Variants in SRGAP2 observed in about 807,000 individuals in gnomAD.
SRGAP2 encodes SLIT-ROBO Rho GTPase activating protein 2, also known as SLIT-ROBO Rho GTPase-activating protein 2.
Under a neutral mutation model 57.2 loss-of-function variants are expected in SRGAP2, and 15 were observed. The ratio of observed to expected loss-of-function variants is 0.26; its 90% CI spans 0.18 to 0.40. The LOEUF (loss-of-function observed/expected upper bound fraction) is 0.40. Ranked by LOEUF, SRGAP2 falls within the 10% of genes least tolerant of loss-of-function variation. The pLI, the probability that SRGAP2 is intolerant of heterozygous loss-of-function variation, is 1.00. For synonymous variants in SRGAP2, 249 were observed against 248.0 expected (o/e 1.00, Z -0.04); for missense variants, 520 against 669.6 (o/e 0.78, Z 2.47).
In SRGAP2 at chr1:206,462,228, C is replaced by G. The variant is rs1558462847; in HGVS notation, c.*808C>G. 1 of 152,628 alleles carries G rather than the reference C, an allele frequency of 6.6e-6. No homozygotes were observed. Among genetic ancestry groups the G allele is most frequent in the Non-Finnish European group, 1.5e-5 (1 of 68,068 alleles). 9.5% of individuals were successfully genotyped at this position (152,628 alleles called of 1,614,324 possible). A position where few individuals can be genotyped will look rare whatever the true frequency, so the allele number is the denominator to read the frequency against. ...CTCCTCCATCCCCTAGAAGTACACC[C>G]CCGTCTTATTAAGGAGCTTTTAAAG... On this transcript the variant is annotated 3_prime_UTR_variant, in exon 23 of 23. Coordinates refer to ENST00000573034, the MANE Select transcript of SRGAP2 (RefSeq NM_015326.5).
chr1:206,240,703 C>T (rs1553309020), intron 2 of SRGAP2, among the ~76,000 whole-genome samples: 1 of 152,100 alleles, frequency 6.6e-6, no homozygotes, highest in Non-Finnish European at 1.5e-5. Context: ...TTATTGTCCT[C>T]TTTTCAGAAG....
intron 21 of SRGAP2, 49 bp from the exon 22 acceptor site, chr1:206,458,574 T>TG: frequency 1.5e-6 from 1 of 676,974 alleles, no homozygotes; most frequent in Non-Finnish European, 2.7e-6. Flanking sequence ...CTAGCTTCCT[T>TG]GGAGCCAGGG....
At chr1:206,347,320 G>A (rs1483527457) in intron 4 of SRGAP2, among the ~76,000 whole-genome samples, 1 of 152,072 alleles carries the variant, frequency 6.6e-6, no homozygotes, top group Admixed American at 6.5e-5. Context: ...GCTCACGCCT[G>A]TAATCGCAGC....
intron 18 of SRGAP2, among the ~76,000 whole-genome samples, chr1:206,449,447 C>CT (rs60880671): frequency 1.1e-3 from 156 of 138,816 alleles, no homozygotes; most frequent in South Asian, 3.7e-3. Context: ...TGCACACTGG[C>CT]TTTTTTTTTT....
chr1:206,378,707 G>A (rs1301830781), intron 4 of SRGAP2, among the ~76,000 whole-genome samples: 6 of 152,072 alleles, frequency 3.9e-5, no homozygotes, highest in African/African-American at 1.4e-4. Flanking sequence ...GCACCAATCA[G>A]CACTCTGTAA....
chr1:206,436,161 A>G (rs139336660), intron 14 of SRGAP2, among the ~76,000 whole-genome samples: 4 of 152,072 alleles, frequency 2.6e-5, no homozygotes, highest in Non-Finnish European at 4.4e-5. Flanking sequence ...TTTTCTTCCA[A>G]TGTGGTCCAG....
intron 7 of SRGAP2, among the ~76,000 whole-genome samples, chr1:206,395,808 A>AT (rs1305543206): frequency 1.3e-5 from 2 of 149,460 alleles, no homozygotes; most frequent in Admixed American, 1.3e-4. Flanking sequence ...GAAGTGAGGT[A>AT]TTTTGTACCT....
At chr1:206,244,262 A>T (rs1668407627) in intron 2 of SRGAP2, among the ~76,000 whole-genome samples, 1 of 105,916 alleles carries the variant, frequency 9.4e-6, no homozygotes, top group Non-Finnish European at 1.9e-5. Context: ...TTACAGATTA[A>T]TGTTTTAAAT....
chr1:206,354,221 A>G (rs1676260253), intron 4 of SRGAP2, among the ~76,000 whole-genome samples: 1 of 152,160 alleles, frequency 6.6e-6, no homozygotes. Context: ...ATAATATGTC[A>G]TAGAAACTCT....
intron 4 of SRGAP2, among the ~76,000 whole-genome samples, chr1:206,348,905 AT>A (rs1180249053): frequency 1.7e-5 from 1 of 57,524 alleles, no homozygotes; most frequent in Non-Finnish European, 3.1e-5. Flanking sequence ...GAACCATAAA[AT>A]TTTATAAAGG....
At chr1:206,433,968 A>G (rs1553369171) in intron 14 of SRGAP2, among the ~76,000 whole-genome samples, 1 of 152,238 alleles carries the variant, frequency 6.6e-6, no homozygotes, top group Non-Finnish European at 1.5e-5. Flanking sequence ...TAGCTGCTCA[A>G]AAAACATCTG....
At chr1:206,389,214 G>A (rs1243167018) in intron 5 of SRGAP2, among the ~76,000 whole-genome samples, 4 of 105,184 alleles carry the variant, frequency 3.8e-5, no homozygotes, top group Non-Finnish European at 5.1e-5. Flanking sequence ...TTGCTCTGTT[G>A]CCCAGGCTGG....
At chr1:206,417,459 C>T (rs1553362463) in intron 11 of SRGAP2, among the ~76,000 whole-genome samples, 1 of 147,614 alleles carries the variant, frequency 6.8e-6, no homozygotes, top group African/African-American at 2.5e-5. Context: ...GCTCTGTCAC[C>T]CAGGCTGGAG....
At position 206,421,316 on chromosome 1, in the gene SRGAP2, A is replaced by G. The variant is rs782756806; in HGVS notation, c.1494+42A>G. The G allele has an allele frequency of 3.9e-6, 3 of 763,434 alleles. No individual in the cohort carries two copies. In the African/African-American group the frequency reaches 5.1e-5, roughly 13 times the overall value. The allele number at this position is 763,434 out of a possible 1,614,324, so 47.3% of individuals were successfully genotyped here. A position where few individuals can be genotyped will look rare whatever the true frequency, so the allele number is the denominator to read the frequency against. ...GGCCAGGCTGGTCTGGCCTGAAAAT[A>G]TAGTCCATCCCACAGGCATTTATTG... On this transcript the variant is annotated intron_variant, in intron 13 of 22. Coordinates refer to ENST00000573034, the MANE Select transcript of SRGAP2 (RefSeq NM_015326.5).
intron 2 of SRGAP2, among the ~76,000 whole-genome samples, chr1:206,291,717 A>G (rs1671332857): frequency 1.3e-5 from 2 of 149,662 alleles, no homozygotes; most frequent in African/African-American, 5.1e-5. Flanking sequence ...ACTAGTAAAT[A>G]TATAAGATGT....
At chr1:206,248,624 G>T (rs543301729) in intron 2 of SRGAP2, among the ~76,000 whole-genome samples, 7,971 of 152,022 alleles carry the variant, frequency 0.052, 243 homozygotes, top group Middle Eastern at 0.095. Flanking sequence ...CAAGTACTGG[G>T]TTGGACACTA....
At chr1:206,363,422 G>A (rs1478873539) in intron 4 of SRGAP2, among the ~76,000 whole-genome samples, 11 of 151,964 alleles carry the variant, frequency 7.2e-5, no homozygotes, top group African/African-American at 2.7e-4. Flanking sequence ...ATTTGGGGGC[G>A]AGATTTTTAA....
intron 2 of SRGAP2, among the ~76,000 whole-genome samples, chr1:206,218,095 G>T (rs1410752035): frequency 6.6e-6 from 1 of 152,140 alleles, no homozygotes; most frequent in African/African-American, 2.4e-5. Flanking sequence ...GATCACCTAA[G>T]GTCAGGAGTT....
intron 3 of SRGAP2, among the ~76,000 whole-genome samples, chr1:206,311,547 G>A (rs1553324168): frequency 6.6e-6 from 1 of 152,248 alleles, no homozygotes; most frequent in African/African-American, 2.4e-5. Context: ...TATTAGAAAA[G>A]GCTAACAGAA....
Sources: gnomAD v4.1 joint callset for allele counts (sites outside exome capture counted in the v4.1 genomes callset) on GRCh38, gnomAD v4.1.1 for gene constraint, MANE v1.5 for transcripts, NCBI Gene and HGNC (gene_info 2026-07-23, HGNC 2026-07-21) for gene names.